Variants in TACC1 observed in about 807,000 individuals in gnomAD.
The protein encoded by TACC1 is transforming acidic coiled-coil containing protein 1.
In TACC1, 48 loss-of-function variants were observed where a neutral mutation model predicts 84.4. The ratio of observed to expected loss-of-function variants is 0.57; its 90% CI spans 0.45 to 0.72. The LOEUF (loss-of-function observed/expected upper bound fraction) is 0.72. Ranked by LOEUF, TACC1 falls within the 30% of genes least tolerant of loss-of-function variation. The pLI is 0.00. For missense variants in TACC1, 920 were observed against 973.0 expected (o/e 0.95, Z 0.72); for synonymous variants, 372 against 376.3 (o/e 0.99, Z 0.13).
In TACC1 at chr8:38,820,046, C is replaced by T. The variant is rs1285901963; in HGVS notation, c.802C>T (p.Pro268Ser). Residue 268 changes from proline (P) to serine (S), a missense_variant, in exon 3 of 13, where the codon CCT becomes TCT. By Grantham distance (74) the Pro-to-Ser change is moderately conservative (BLOSUM62 -1). Coordinates refer to ENST00000317827, the MANE Select transcript of TACC1 (RefSeq NM_006283.3). ...PLPKASYHFS[P>S]EELDENTSPL... is the part of the protein sequence containing the mutation. The stretch of plus-strand genomic sequence containing the variant: ...CCCCAAGGCATCCTATCACTTCAGT[C>T]CTGAAGAGTTGGATGAGAACACAAG... 2.5e-6 allele frequency: 4 copies of T among 1,614,104 alleles called. 1 individual carries two copies. The highest frequency in any genetic ancestry group is 1.6e-4 in the Middle Eastern group (1 of 6,062).
rs1818271141 is a variant in TACC1 at position 38,790,031 on chromosome 8, C to G, written c.277+1212C>G. Among the ~76,000 whole-genome samples, 3 of 152,208 alleles carry G rather than the reference C, an allele frequency of 2.0e-5. No homozygotes were observed. The South Asian group carries it at 6.2e-4, about 32-fold the overall frequency. ...TAACAGAAATTATTCTCTCACAGTCCTGGATAATTGAAATCAGAACCAGAA... is the reference window on the plus strand; with the variant it reads ...TAACAGAAATTATTCTCTCACAGTCGTGGATAATTGAAATCAGAACCAGAA... On this transcript the variant is annotated intron_variant, in intron 2 of 12. Transcript: ENST00000317827.
chr8:38,819,308 G>A (rs1462848312), intron 2 of TACC1, among the ~76,000 whole-genome samples: 1 of 152,172 alleles, frequency 6.6e-6, no homozygotes, highest in Non-Finnish European at 1.5e-5. Context: ...CTTGGATAAT[G>A]CACATACACA....
chr8:38,779,532 G>A (rs557411109), intron 3 of TACC1, among the ~76,000 whole-genome samples: 111 of 152,330 alleles, frequency 7.3e-4, no homozygotes, highest in Admixed American at 3.9e-3. Context: ...GGCAGGTCTG[G>A]ATTTTCCGTA....
At chr8:38,823,839 A>T (rs1588014636) in intron 3 of TACC1, 2 of 462,756 alleles carry the variant, frequency 4.3e-6, no homozygotes, top group East Asian at 1.2e-4. Flanking sequence ...AACATTCATG[A>T]ATACGACATT....
Position 38,819,728 on chromosome 8 carries a change from A to G in TACC1, c.484A>G (p.Ile162Val). The stretch of plus-strand genomic sequence containing the variant: ...AATAGAAACGAAGGATTCCACGGAT[A>G]TCTCGGCAGTCCTCGGAACAAAAGC... ...FSIETKDSTD[I>V]SAVLGTKAAH... is the part of the protein sequence containing the mutation. The change falls in exon 3 of 13, where the codon ATC becomes GTC. Residue 162 changes from isoleucine to valine, a missense_variant. Ile to Val is a conservative substitution (Grantham distance 29). Around this residue, in one of 2 missense-constraint regions of TACC1, gnomAD observed 762 missense variants for 747.3 expected, o/e 1.02. Transcript: ENST00000317827. 1 of 1,614,178 alleles carries G rather than the reference A, an allele frequency of 6.2e-7. No individual in the cohort carries two copies. Among genetic ancestry groups the G allele is most frequent in the Non-Finnish European group, 8.5e-7 (1 of 1,180,042 alleles).
intron 2 of TACC1, among the ~76,000 whole-genome samples, chr8:38,809,948 T>C (rs1395866522): frequency 1.3e-5 from 2 of 152,120 alleles, no homozygotes; most frequent in Admixed American, 6.5e-5. Flanking sequence ...TAGGAGTCCA[T>C]GACAAAAAGA....
intron 2 of TACC1, among the ~76,000 whole-genome samples, chr8:38,814,118 T>C (rs1772291289): frequency 1.3e-5 from 2 of 152,166 alleles, no homozygotes; most frequent in Admixed American, 1.3e-4. Flanking sequence ...GATAATCAAA[T>C]AGAACTTATT....
chr8:38,840,144 A>G (rs141649530), intron 8 of TACC1, 80 bp from the exon 9 acceptor site: 50 of 1,042,352 alleles, frequency 4.8e-5, no homozygotes, highest in Non-Finnish European at 6.7e-5. Flanking sequence ...TAATGTGTTT[A>G]ATTGTTTGGG....
At chr8:38,756,750 T>C (rs1403427473) in intron 3 of TACC1, among the ~76,000 whole-genome samples, 1 of 152,170 alleles carries the variant, frequency 6.6e-6, no homozygotes, top group East Asian at 1.9e-4. Context: ...CAGAGCCCAG[T>C]TTTCTGTGCA....
At chr8:38,846,899 C>G in intron 12 of TACC1, 80 bp downstream of exon 12, 2 of 1,549,386 alleles carry the variant, frequency 1.3e-6, no homozygotes, top group Admixed American at 1.9e-5. Context: ...AATGACAGAT[C>G]TGGGTGAAAG....
intron 2 of TACC1, among the ~76,000 whole-genome samples, chr8:38,798,141 A>G (rs1359613431): frequency 7.6e-6 from 1 of 131,702 alleles, no homozygotes; most frequent in African/African-American, 2.7e-5. Context: ...TTTTTTTTTT[A>G]GAGACAGGGT....
At chr8:38,820,730 T>C in intron 3 of TACC1, 95 bp downstream of exon 3, 1 of 1,500,238 alleles carries the variant, frequency 6.7e-7, no homozygotes, top group African/African-American at 1.4e-5. Flanking sequence ...GAATTTACCT[T>C]TGAGGTGCAC....
intron 1 of TACC1, among the ~76,000 whole-genome samples, chr8:38,740,233 C>G (rs1237946052): frequency 1.3e-5 from 2 of 152,174 alleles, no homozygotes; most frequent in Non-Finnish European, 2.9e-5. Context: ...CCAGATGATC[C>G]CATTGGCTGC....
intron 11 of TACC1, 129 bp from the exon 12 acceptor site, chr8:38,846,570 T>C: frequency 8.7e-7 from 1 of 1,153,106 alleles, no homozygotes; most frequent in Non-Finnish European, 1.2e-6. Flanking sequence ...TTTGTTTTTT[T>C]TCTCTCATGC....
intron 3 of TACC1, among the ~76,000 whole-genome samples, chr8:38,778,151 G>T (rs1815193346): frequency 6.6e-6 from 1 of 151,928 alleles, no homozygotes; most frequent in African/African-American, 2.4e-5. Context: ...TCACTGTGTG[G>T]TCCAGGCTGG....
At chr8:38,780,192 C>T (rs1185872831) in intron 3 of TACC1, among the ~76,000 whole-genome samples, 2 of 152,126 alleles carry the variant, frequency 1.3e-5, no homozygotes, top group Non-Finnish European at 2.9e-5. Context: ...CTGTTTTCTC[C>T]CAATGGTTCG....
chr8:38,829,910 G>A (rs1170458931), intron 5 of TACC1, among the ~76,000 whole-genome samples: 1 of 152,204 alleles, frequency 6.6e-6, no homozygotes, highest in Admixed American at 6.5e-5. Context: ...CCTGGTGAGT[G>A]TCCCCTTGAA....
chr8:38,816,115 A>G (rs1825388764), intron 2 of TACC1, among the ~76,000 whole-genome samples: 1 of 152,172 alleles, frequency 6.6e-6, no homozygotes, highest in African/African-American at 2.4e-5. Flanking sequence ...AACTATTCCA[A>G]AAGTCTGTAA....
chr8:38,770,351 T>C (rs1246942446), intron 3 of TACC1, among the ~76,000 whole-genome samples: 1 of 152,096 alleles, frequency 6.6e-6, no homozygotes, highest in Admixed American at 6.5e-5. Flanking sequence ...CTGAACAATC[T>C]CGAGGGGAGC....
Sources: allele counts gnomAD v4.1 joint callset (sites outside exome capture counted in the v4.1 genomes callset), GRCh38; gene constraint gnomAD v4.1.1; regional missense constraint gnomAD v4.1.1; transcripts MANE v1.5; gene names NCBI Gene and HGNC (gene_info 2026-07-23, HGNC 2026-07-21).